Variants in ARRB1 observed in about 807,000 individuals in gnomAD.
The protein encoded by ARRB1 is beta-arrestin-1.
A neutral mutation model predicts 56.8 loss-of-function variants in ARRB1; 21 were observed. The ratio of observed to expected loss-of-function variants is 0.37; its 90% CI spans 0.26 to 0.53. The LOEUF (loss-of-function observed/expected upper bound fraction) is 0.53, where lower values mean the gene tolerates loss of function less well. ARRB1 is among the 20% of genes least tolerant of loss of function. ARRB1 has a pLI of 0.88. For missense variants in ARRB1, 424 were observed against 553.7 expected (o/e 0.77, Z 2.35); for synonymous variants, 210 against 218.6 (o/e 0.96, Z 0.35).
rs200753370 is a variant in ARRB1 at position 75,263,740 on chromosome 11, GAAA to G, written c.*2420_*2422del. 8.5e-6 allele frequency among the ~76,000 whole-genome samples: 1 copy of G among 117,996 alleles called. No homozygotes were observed. The highest frequency in any genetic ancestry group is 2.7e-4 in the South Asian group (1 of 3,720). The allele number at this position is 117,996 out of a possible 152,430, so 77.4% of individuals were successfully genotyped here. The stretch of plus-strand genomic sequence containing the variant: ...GCCTTGTGCAGTCCTGGCTCCAGGA[GAAA>G]AAAAAAAAAAAAAGATAGTGCTCTG... On this transcript the variant is annotated 3_prime_UTR_variant, in exon 16 of 16. Coordinates refer to ENST00000420843, the MANE Select transcript of ARRB1 (RefSeq NM_004041.5).
chr11:75,288,142 C>T (rs771845581), intron 2 of ARRB1, among the ~76,000 whole-genome samples: 4 of 152,092 alleles, frequency 2.6e-5, no homozygotes, highest in African/African-American at 4.8e-5. Context: ...GGATTACAGG[C>T]GTGAGCCACC....
At chr11:75,338,009 C>A (rs771553842) in intron 1 of ARRB1, among the ~76,000 whole-genome samples, 1 of 151,860 alleles carries the variant, frequency 6.6e-6, no homozygotes, top group Non-Finnish European at 1.5e-5. Context: ...CTAAAGAGAT[C>A]GGCTTGAGCA....
At chr11:75,318,679 G>A (rs748972244) in intron 1 of ARRB1, among the ~76,000 whole-genome samples, 1 of 151,650 alleles carries the variant, frequency 6.6e-6, no homozygotes, top group Non-Finnish European at 1.5e-5. Context: ...AACAGAGTGA[G>A]ACTCTGTCTC....
chr11:75,302,823 C>T (rs905483041), intron 1 of ARRB1, among the ~76,000 whole-genome samples: 2 of 152,032 alleles, frequency 1.3e-5, no homozygotes, highest in Non-Finnish European at 2.9e-5. Flanking sequence ...CCTGCCCCCA[C>T]CCCCTGCTCA....
intron 1 of ARRB1, among the ~76,000 whole-genome samples, chr11:75,312,378 A>T (rs1947180620): frequency 6.6e-6 from 1 of 152,180 alleles, no homozygotes; most frequent in Non-Finnish European, 1.5e-5. Flanking sequence ...ATGGGCTCAG[A>T]CTGTGTGGAC....
intron 1 of ARRB1, among the ~76,000 whole-genome samples, chr11:75,323,864 T>C (rs1313603920): frequency 6.6e-6 from 1 of 151,964 alleles, no homozygotes; most frequent in African/African-American, 2.4e-5. Flanking sequence ...CTGGAAATAA[T>C]GTAAATACCA....
In ARRB1 at chr11:75,269,912, C is replaced by T. The variant is rs539582626; in HGVS notation, c.1023-953G>A. On this transcript the variant is annotated intron_variant, in intron 13 of 15. Transcript: ENST00000420843. ...CTCCTCTCGGCTTGGGGTGACATCACCCTAGGAGACCACCCAACTGCGAGT... is the reference window on the plus strand; with the variant it reads ...CTCCTCTCGGCTTGGGGTGACATCATCCTAGGAGACCACCCAACTGCGAGT... 3.9e-5 allele frequency among the ~76,000 whole-genome samples: 6 copies of T among 152,350 alleles called. No individual in the cohort carries two copies. In the East Asian group the frequency reaches 1.2e-3, roughly 29 times the overall value.
At chr11:75,310,675 A>C (rs570869476) in intron 1 of ARRB1, among the ~76,000 whole-genome samples, 32 of 152,188 alleles carry the variant, frequency 2.1e-4, no homozygotes, top group African/African-American at 6.7e-4. Context: ...CTCATGAGCA[A>C]CTCAGCCCCT....
intron 7 of ARRB1, among the ~76,000 whole-genome samples, chr11:75,280,339 G>C (rs751072895): frequency 6.6e-6 from 1 of 152,228 alleles, no homozygotes; most frequent in African/African-American, 2.4e-5. Context: ...TAGCCACCAG[G>C]TGGCAAACTC....
intron 14 of ARRB1, among the ~76,000 whole-genome samples, chr11:75,268,624 G>A (rs1429480440): frequency 6.6e-6 from 1 of 151,528 alleles, no homozygotes; most frequent in Non-Finnish European, 1.5e-5. Flanking sequence ...TCCAGCCCAT[G>A]CCTGGGTGCA....
chr11:75,300,829 G>T (rs948163826), intron 1 of ARRB1, among the ~76,000 whole-genome samples: 1 of 151,284 alleles, frequency 6.6e-6, no homozygotes, highest in African/African-American at 2.5e-5. Context: ...TTAGCCGGGC[G>T]TGGTGGCGGG....
intron 1 of ARRB1, among the ~76,000 whole-genome samples, chr11:75,327,967 A>G (rs116015584): frequency 6.6e-6 from 1 of 152,308 alleles, no homozygotes; most frequent in African/African-American, 2.4e-5. Flanking sequence ...TAAAATAAAT[A>G]CATAAAGTGA....
intron 1 of ARRB1, among the ~76,000 whole-genome samples, chr11:75,300,915 C>A (rs1259801781): frequency 6.9e-6 from 1 of 145,234 alleles, no homozygotes; most frequent in Non-Finnish European, 1.5e-5. Context: ...TTGCAGTGAG[C>A]CGAGATCGCG....
chr11:75,342,711 G>A (rs558899246), intron 1 of ARRB1, among the ~76,000 whole-genome samples: 23 of 152,262 alleles, frequency 1.5e-4, no homozygotes, highest in Middle Eastern at 6.8e-3. Context: ...AATGGAGCGC[G>A]CCCTCCAGAG....
intron 3 of ARRB1, among the ~76,000 whole-genome samples, chr11:75,285,318 T>G (rs1477897378): frequency 6.6e-6 from 1 of 152,226 alleles, no homozygotes; most frequent in Admixed American, 6.5e-5. Context: ...AGGCCTGCCC[T>G]TGGGGGCAGA....
At chr11:75,287,829 G>C (rs1046193020) in intron 2 of ARRB1, among the ~76,000 whole-genome samples, 4 of 152,208 alleles carry the variant, frequency 2.6e-5, no homozygotes, top group Admixed American at 1.3e-4. Context: ...GCCAGGCGGG[G>C]ATCCACTGAT....
intron 1 of ARRB1, among the ~76,000 whole-genome samples, chr11:75,309,000 C>G (rs1479338105): frequency 1.3e-5 from 2 of 152,242 alleles, no homozygotes; most frequent in Non-Finnish European, 2.9e-5. Flanking sequence ...AGCCAGTATC[C>G]TCATTTTACA....
chr11:75,316,461 A>G (rs1947267330), intron 1 of ARRB1, among the ~76,000 whole-genome samples: 1 of 152,262 alleles, frequency 6.6e-6, no homozygotes, highest in Middle Eastern at 3.4e-3. Flanking sequence ...GGCTAGAGGA[A>G]CTCCTAATTC....
chr11:75,312,160 G>C, intron 1 of ARRB1: 2 of 1,288,104 alleles, frequency 1.6e-6, no homozygotes, highest in South Asian at 2.5e-5. Flanking sequence ...CTCCACCCTC[G>C]CCCTCCCCGG....
Sources: gnomAD v4.1 joint callset for allele counts (sites outside exome capture counted in the v4.1 genomes callset) on GRCh38, gnomAD v4.1.1 for gene constraint, MANE v1.5 for transcripts, NCBI Gene and HGNC (gene_info 2026-07-23, HGNC 2026-07-21) for gene names.